Variants in NXPE4 observed in about 807,000 individuals in gnomAD.
The protein encoded by NXPE4 is neurexophilin and PC-esterase domain family member 4.
In NXPE4, 42 loss-of-function variants were observed where a neutral mutation model predicts 33.3. The ratio of observed to expected loss-of-function variants is 1.26; its 90% CI spans 0.98 to 1.63. The LOEUF (loss-of-function observed/expected upper bound fraction) is 1.63. Ranked by LOEUF, NXPE4 falls within the 40% of genes most tolerant of loss-of-function variation. NXPE4 has a pLI of 0.00. For synonymous variants in NXPE4, 253 were observed against 234.9 expected (o/e 1.08, Z -0.71); for missense variants, 709 against 647.6 (o/e 1.09, Z -1.03).
chr11:114,652,584 G>C, the NXPE4 span, among the ~76,000 whole-genome samples: 1 of 152,228 alleles, frequency 6.6e-6, no homozygotes, highest in Non-Finnish European at 1.5e-5. Flanking sequence ...AGTGAGTGTT[G>C]CTCGACATAT....
chr11:114,642,563 CT>C, the NXPE4 span, among the ~76,000 whole-genome samples: 1 of 152,054 alleles, frequency 6.6e-6, no homozygotes, highest in Non-Finnish European at 1.5e-5. Flanking sequence ...TGGTTTCCAG[CT>C]TCATCTATGT....
chr11:114,652,922 T>C, the NXPE4 span, among the ~76,000 whole-genome samples: 14,010 of 152,216 alleles, frequency 0.092, 765 homozygotes, highest in Middle Eastern at 0.2. Flanking sequence ...ATCCAGATGA[T>C]TATGTAAAAT....
the NXPE4 span, among the ~76,000 whole-genome samples, chr11:114,646,803 G>T: frequency 6.6e-6 from 1 of 151,928 alleles, no homozygotes; most frequent in Non-Finnish European, 1.5e-5. Flanking sequence ...TACACTTTAG[G>T]CTTAAGACTA....
chr11:114,649,808 A>G, the NXPE4 span, among the ~76,000 whole-genome samples: 1 of 152,310 alleles, frequency 6.6e-6, no homozygotes, highest in East Asian at 1.9e-4. Context: ...GCTAATATTT[A>G]CCAACCATTT....
the NXPE4 span, among the ~76,000 whole-genome samples, chr11:114,660,819 C>T: frequency 6.6e-6 from 1 of 151,962 alleles, no homozygotes; most frequent in Non-Finnish European, 1.5e-5. Context: ...ATTTTCACAG[C>T]CAATATGATT....
chr11:114,669,423 A>G, the NXPE4 span, among the ~76,000 whole-genome samples: 159 of 152,202 alleles, frequency 1.0e-3, 1 homozygote, highest in African/African-American at 3.6e-3. Flanking sequence ...AGTCAAGAAT[A>G]TCTTACCTGA....
chr11:114,653,756 C>G, the NXPE4 span, among the ~76,000 whole-genome samples: 1 of 151,998 alleles, frequency 6.6e-6, no homozygotes, highest in Non-Finnish European at 1.5e-5. Context: ...TCTTGATCTC[C>G]TGACCTCGTG....
the NXPE4 span, among the ~76,000 whole-genome samples, chr11:114,604,273 C>T: frequency 1.3e-5 from 2 of 150,428 alleles, no homozygotes; most frequent in Non-Finnish European, 1.5e-5. Context: ...GTGTTACCTG[C>T]TAGATAATAA....
At chr11:114,613,858 A>G in the NXPE4 span, among the ~76,000 whole-genome samples, 1 of 149,184 alleles carries the variant, frequency 6.7e-6, no homozygotes, top group Non-Finnish European at 1.5e-5. Flanking sequence ...GTATTGCCTA[A>G]TAGGTAACCA....
At chr11:114,593,573 G>A (rs1489804945) in intron 2 of NXPE4, among the ~76,000 whole-genome samples, 1 of 152,106 alleles carries the variant, frequency 6.6e-6, no homozygotes, top group Non-Finnish European at 1.5e-5. Context: ...TACACTGTTG[G>A]TGGGAATGTA....
the NXPE4 span, among the ~76,000 whole-genome samples, chr11:114,608,836 A>C: frequency 6.6e-6 from 1 of 151,914 alleles, no homozygotes; most frequent in South Asian, 2.1e-4. Flanking sequence ...TACCTGGTGG[A>C]TAATAAGTGT....
chr11:114,624,888 A>C, the NXPE4 span, among the ~76,000 whole-genome samples: 2 of 152,130 alleles, frequency 1.3e-5, no homozygotes, highest in Non-Finnish European at 2.9e-5. Flanking sequence ...AACCTGGTGG[A>C]TAATAAGTGT....
the NXPE4 span, among the ~76,000 whole-genome samples, chr11:114,663,678 TTATCTATCTATC>T: frequency 0.013 from 1,899 of 145,998 alleles, 34 homozygotes; most frequent in African/African-American, 0.047. Flanking sequence ...ATCTATCTAT[TTATCTATCTATC>T]TATCTATCTA....
rs112799147 is a variant in NXPE4, at chr11:114,587,933, A to G, written c.97-4912T>C. Among the ~76,000 whole-genome samples, 262 of 152,224 alleles carry G rather than the reference A, an allele frequency of 1.7e-3. 1 individual carries two copies. Among genetic ancestry groups the G allele is most frequent in the African/African-American group, 6.0e-3 (248 of 41,542 alleles). ...ATCCTGGCCTGCAGAGGGGAGCCTT[A>G]ATTTTAATACTATCCAACAATTAGA... is the stretch of plus-strand genomic sequence containing the variant. On this transcript the variant is annotated intron_variant, in intron 2 of 5. Coordinates refer to ENST00000375478, the MANE Select transcript of NXPE4 (RefSeq NM_001077639.2).
chr11:114,588,560 A>T (rs1304093740), intron 2 of NXPE4, among the ~76,000 whole-genome samples: 1 of 152,154 alleles, frequency 6.6e-6, no homozygotes, highest in East Asian at 1.9e-4. Flanking sequence ...GAATATAGAG[A>T]AAATGAAGAA....
the NXPE4 span, among the ~76,000 whole-genome samples, chr11:114,616,161 G>T: frequency 6.8e-6 from 1 of 147,432 alleles, no homozygotes; most frequent in Admixed American, 6.7e-5. Context: ...GGGTAACCAT[G>T]GTTACCCTGT....
chr11:114,629,471 C>T, the NXPE4 span, among the ~76,000 whole-genome samples: 10,994 of 147,156 alleles, frequency 0.075, 510 homozygotes, highest in Middle Eastern at 0.19. Flanking sequence ...AATTCAACAA[C>T]CCTTCATGCT....
chr11:114,663,678 T>TTATCTATC, the NXPE4 span, among the ~76,000 whole-genome samples: 42,904 of 145,774 alleles, frequency 0.29, 6,400 homozygotes, highest in Middle Eastern at 0.35. Context: ...ATCTATCTAT[T>TTATCTATC]TATCTATCTA....
the NXPE4 span, among the ~76,000 whole-genome samples, chr11:114,639,680 A>G: frequency 2.5e-3 from 352 of 141,442 alleles, 3 homozygotes; most frequent in Admixed American, 4.5e-3. Context: ...TATATGTAAT[A>G]TATTGTATCT....
Sources: allele counts gnomAD v4.1 joint callset (sites outside exome capture counted in the v4.1 genomes callset), GRCh38; gene constraint gnomAD v4.1.1; transcripts MANE v1.5; gene names NCBI Gene and HGNC (gene_info 2026-07-23, HGNC 2026-07-21).